MEGF11: variants seen among roughly 807,000 people sequenced by gnomAD.
The protein encoded by MEGF11 is multiple EGF like domains 11.
A neutral mutation model predicts 146.6 loss-of-function variants in MEGF11; 126 were observed. That is an observed-to-expected ratio of 0.86 (90% CI 0.74 to 1.00). The LOEUF is 1.00. MEGF11 is among the 50% of genes least tolerant of loss of function. MEGF11 has a pLI of 0.00. For synonymous variants in MEGF11, 532 were observed against 583.4 expected, an observed-to-expected ratio of 0.91 and a Z score of 1.27; for missense variants, 1,509 against 1,521.2, an observed-to-expected ratio of 0.99 and a Z score of 0.13.
chr15:65,934,737 C>G (rs541030389), intron 10 of MEGF11, among the ~76,000 whole-genome samples: 80 of 152,232 alleles, frequency 5.3e-4, no homozygotes, highest in African/African-American at 1.9e-3. Flanking sequence ...ATCAATGATT[C>G]CCATGTAACG....
intron 5 of MEGF11, among the ~76,000 whole-genome samples, chr15:66,042,606 A>C (rs1345968234): frequency 2.0e-5 from 3 of 152,168 alleles, no homozygotes; most frequent in Non-Finnish European, 2.9e-5. Context: ...TTATCAACTC[A>C]CAGTTCCAGA....
chr15:66,120,189 G>A (rs1439075451), intron 3 of MEGF11, among the ~76,000 whole-genome samples: 3 of 152,118 alleles, frequency 2.0e-5, no homozygotes, highest in South Asian at 4.2e-4. Context: ...CCTTACAGAC[G>A]GCCACAGTGA....
intron 21 of MEGF11, among the ~76,000 whole-genome samples, chr15:65,910,717 A>G (rs889321976): frequency 6.6e-6 from 1 of 152,188 alleles, no homozygotes; most frequent in Non-Finnish European, 1.5e-5. Context: ...CTATTGCTGG[A>G]CCAGGTCTGT....
At chr15:66,167,219 G>C (rs1188028652) in intron 1 of MEGF11, among the ~76,000 whole-genome samples, 1 of 152,200 alleles carries the variant, frequency 6.6e-6, no homozygotes. Flanking sequence ...CCCAAGCCCA[G>C]GGCCAGCCGG....
intron 4 of MEGF11, among the ~76,000 whole-genome samples, chr15:66,117,103 C>T (rs561955231): frequency 2.6e-5 from 4 of 152,212 alleles, no homozygotes; most frequent in Middle Eastern, 6.8e-3. Flanking sequence ...GATGGATCAG[C>T]GTATGTAAAG....
At chr15:66,068,180 A>C (rs1301905900) in intron 5 of MEGF11, among the ~76,000 whole-genome samples, 1 of 152,234 alleles carries the variant, frequency 6.6e-6, no homozygotes, top group East Asian at 1.9e-4. Context: ...TGTGAGCCCC[A>C]ATAGGGCAGG....
At chr15:66,179,563 C>T (rs543162353) in intron 1 of MEGF11, among the ~76,000 whole-genome samples, 1 of 152,280 alleles carries the variant, frequency 6.6e-6, no homozygotes, top group South Asian at 2.1e-4. Flanking sequence ...CCCTGCAGTG[C>T]ACCACGTCCC....
In MEGF11 at chr15:66,160,805, G is replaced by A. The variant is rs796482464; in HGVS notation, c.-8-32394C>T. Among the ~76,000 whole-genome samples the A allele has an allele frequency of 8.5e-5, 13 of 152,168 alleles. 3 individuals are homozygous for A. Among genetic ancestry groups the A allele is most frequent in the African/African-American group, 3.1e-4 (13 of 41,506 alleles). On this transcript the variant is annotated intron_variant, in intron 1 of 25. Transcript: ENST00000395614. ...TAAGTAAATGATGTATCTGTTATGT[G>A]GTGATAAGTGCTAAGGTGAAAAATA...
Position 66,243,150 on chromosome 15 carries a change from C to T in MEGF11, c.-9+10455G>A, listed in dbSNP as rs1461811050. Among the ~76,000 whole-genome samples, 5 of 152,248 alleles carry T rather than the reference C, an allele frequency of 3.3e-5. No homozygotes were observed. The East Asian group carries it at 9.6e-4, about 29-fold the overall frequency. On this transcript the variant is annotated intron_variant, in intron 1 of 25. Coordinates refer to ENST00000395614, the MANE Select transcript of MEGF11 (RefSeq NM_001385028.1). ...GTGGCACTCTGGGCAAGGCACCTAA[C>T]CTCCGGATCTCGGTTTCCCCATTTG...
intron 4 of MEGF11, among the ~76,000 whole-genome samples, chr15:66,111,359 T>C (rs150157072): frequency 2.0e-5 from 3 of 152,354 alleles, no homozygotes; most frequent in Non-Finnish European, 2.9e-5. Flanking sequence ...TCCAGTGATA[T>C]GGAGAAAGTG....
chr15:65,976,594 G>A (rs750016364), intron 7 of MEGF11, among the ~76,000 whole-genome samples: 2 of 152,330 alleles, frequency 1.3e-5, no homozygotes, highest in Non-Finnish European at 2.9e-5. Flanking sequence ...CCGACACCTT[G>A]ATCTTGGACT....
At chr15:65,917,621 C>G (rs1230216323) in intron 16 of MEGF11, among the ~76,000 whole-genome samples, 1 of 152,212 alleles carries the variant, frequency 6.6e-6, no homozygotes. Flanking sequence ...GGCCTCATCT[C>G]ACTTCCCTAC....
chr15:66,036,314 C>G (rs964655100), intron 5 of MEGF11, among the ~76,000 whole-genome samples: 9 of 152,266 alleles, frequency 5.9e-5, no homozygotes, highest in East Asian at 5.8e-4. Flanking sequence ...CATTCTCCCT[C>G]CCAAAGAAGC....
chr15:65,914,717 A>T (rs968116041), intron 19 of MEGF11, among the ~76,000 whole-genome samples: 1 of 152,158 alleles, frequency 6.6e-6, no homozygotes, highest in Non-Finnish European at 1.5e-5. Flanking sequence ...ATGTGCTGCA[A>T]TATCGTTCTC....
chr15:65,975,852 C>T (rs750241709), intron 7 of MEGF11, among the ~76,000 whole-genome samples: 6 of 151,966 alleles, frequency 3.9e-5, no homozygotes, highest in Non-Finnish European at 8.8e-5. Flanking sequence ...TGGTGGGAGC[C>T]CCATATATCC....
chr15:66,174,304 C>G (rs542748281), intron 1 of MEGF11, among the ~76,000 whole-genome samples: 1 of 152,284 alleles, frequency 6.6e-6, no homozygotes, highest in East Asian at 1.9e-4. Flanking sequence ...TGGGGCTGTT[C>G]TATTATAAAC....
chr15:66,113,904 C>T (rs111676321), intron 4 of MEGF11, among the ~76,000 whole-genome samples: 122 of 152,048 alleles, frequency 8.0e-4, no homozygotes, highest in African/African-American at 2.7e-3. Context: ...AAAAAGAAAC[C>T]GTTGCCTAGT....
intron 4 of MEGF11, among the ~76,000 whole-genome samples, chr15:66,113,066 C>T (rs868630271): frequency 5.3e-5 from 8 of 152,170 alleles, no homozygotes; most frequent in Non-Finnish European, 7.3e-5. Flanking sequence ...ATAGAGTTGA[C>T]GTGTCGAATT....
At chr15:66,237,265 C>T (rs2140225081) in intron 1 of MEGF11, among the ~76,000 whole-genome samples, 1 of 152,268 alleles carries the variant, frequency 6.6e-6, no homozygotes. Context: ...GTCTTATCGG[C>T]CAGAGAAGGT....
Sources: gnomAD v4.1 joint callset for allele counts (sites outside exome capture counted in the v4.1 genomes callset) on GRCh38, gnomAD v4.1.1 for gene constraint, MANE v1.5 for transcripts, NCBI Gene and HGNC (gene_info 2026-07-23, HGNC 2026-07-21) for gene names.